MALRD1: variants seen among roughly 807,000 people sequenced by gnomAD.
The protein encoded by MALRD1 is MAM and LDL-receptor class A domain-containing protein 1.
In MALRD1, 247 loss-of-function variants were observed where a neutral mutation model predicts 242.1. The ratio of observed to expected loss-of-function variants is 1.02; its 90% CI spans 0.92 to 1.13. MALRD1 has a LOEUF of 1.13. MALRD1 is among the 50% of genes most tolerant of loss of function. MALRD1 has a pLI of 0.00. For synonymous variants in MALRD1, 995 were observed against 866.6 expected, an observed-to-expected ratio of 1.15 and a Z score of -2.60; for missense variants, 2,989 against 2,533.1, an observed-to-expected ratio of 1.18 and a Z score of -3.86.
intron 32 of MALRD1, among the ~76,000 whole-genome samples, chr10:19,546,561 A>T (rs879853040): frequency 3.9e-5 from 6 of 152,192 alleles, no homozygotes; most frequent in Admixed American, 2.0e-4. Flanking sequence ...TAATTACCAG[A>T]TGGTGACATA....
chr10:19,444,355 TG>T (rs1412601289), intron 28 of MALRD1, among the ~76,000 whole-genome samples: 5 of 152,216 alleles, frequency 3.3e-5, no homozygotes, highest in African/African-American at 1.2e-4. Context: ...GTCATTATGA[TG>T]TTAGCTGGTT....
chr10:19,626,879 A>G (rs1376442719), intron 36 of MALRD1, among the ~76,000 whole-genome samples: 1 of 152,154 alleles, frequency 6.6e-6, no homozygotes, highest in Non-Finnish European at 1.5e-5. Context: ...TTGGATTTTA[A>G]TGTTCAGTTG....
intron 26 of MALRD1, among the ~76,000 whole-genome samples, chr10:19,361,692 G>A (rs2130707462): frequency 6.6e-6 from 1 of 152,162 alleles, no homozygotes; most frequent in East Asian, 1.9e-4. Context: ...GTTTCATGGA[G>A]AGCCAATTCT....
intron 18 of MALRD1, among the ~76,000 whole-genome samples, chr10:19,212,884 C>G (rs1430752155): frequency 6.6e-6 from 1 of 151,966 alleles, no homozygotes; most frequent in Non-Finnish European, 1.5e-5. Context: ...CAAATGTCTA[C>G]TTTGAAATGT....
At chr10:19,390,035 A>G (rs900787512) in intron 28 of MALRD1, among the ~76,000 whole-genome samples, 12 of 152,094 alleles carry the variant, frequency 7.9e-5, no homozygotes, top group Admixed American at 6.5e-4. Flanking sequence ...CAAAGGTGCC[A>G]TCTCCTGTGG....
intron 18 of MALRD1, among the ~76,000 whole-genome samples, chr10:19,209,989 C>T (rs1836974906): frequency 6.6e-6 from 1 of 152,104 alleles, no homozygotes; most frequent in Non-Finnish European, 1.5e-5. Context: ...AAGAGTTTTG[C>T]ACAATCTCTG....
chr10:19,657,145 T>C (rs1420441036), intron 36 of MALRD1, among the ~76,000 whole-genome samples: 9 of 152,188 alleles, frequency 5.9e-5, no homozygotes, highest in Admixed American at 5.9e-4. Flanking sequence ...GATACTGTGG[T>C]GCACTGGCAA....
intron 33 of MALRD1, among the ~76,000 whole-genome samples, chr10:19,586,851 C>G (rs1382804689): frequency 6.6e-6 from 1 of 152,242 alleles, no homozygotes; most frequent in Non-Finnish European, 1.5e-5. Flanking sequence ...AGTTTGATCT[C>G]AGACTGCTGC....
intron 5 of MALRD1, among the ~76,000 whole-genome samples, chr10:19,104,354 C>T (rs1836387859): frequency 6.6e-6 from 1 of 152,112 alleles, no homozygotes; most frequent in South Asian, 2.1e-4. Flanking sequence ...TAAATCTTAA[C>T]AAGAGAACTC....
At chr10:19,480,618 T>C (rs1309141663) in intron 29 of MALRD1, among the ~76,000 whole-genome samples, 1 of 152,244 alleles carries the variant, frequency 6.6e-6, no homozygotes, top group Non-Finnish European at 1.5e-5. Context: ...TCATTAGATA[T>C]CTATGCAAGG....
intron 36 of MALRD1, among the ~76,000 whole-genome samples, chr10:19,643,192 G>C (rs944286126): frequency 6.6e-6 from 1 of 152,106 alleles, no homozygotes; most frequent in African/African-American, 2.4e-5. Context: ...AGCACTTTGG[G>C]AGGCGGAAGT....
At chr10:19,083,937 G>T (rs79954264) in intron 2 of MALRD1, among the ~76,000 whole-genome samples, 37 of 151,988 alleles carry the variant, frequency 2.4e-4, no homozygotes, top group African/African-American at 8.7e-4. Flanking sequence ...AATTCATTTT[G>T]TGGGGGAAAA....
intron 11 of MALRD1, among the ~76,000 whole-genome samples, chr10:19,152,224 A>G (rs576970462): frequency 1.2e-4 from 18 of 152,292 alleles, no homozygotes; most frequent in African/African-American, 4.3e-4. Flanking sequence ...ACATTTCTCT[A>G]ACTTGGCTCA....
At chr10:19,084,980 G>A (rs1835618401) in intron 2 of MALRD1, among the ~76,000 whole-genome samples, 1 of 151,952 alleles carries the variant, frequency 6.6e-6, no homozygotes. Flanking sequence ...TAAGTATCAT[G>A]TAAACAAGCT....
At chr10:19,271,245 A>G (rs1159957833) in intron 19 of MALRD1, among the ~76,000 whole-genome samples, 1 of 152,254 alleles carries the variant, frequency 6.6e-6, no homozygotes, top group Non-Finnish European at 1.5e-5. Flanking sequence ...AAAATACTAG[A>G]CAGCATTCAG....
chr10:19,731,747 G>A (rs1006812577), intron 39 of MALRD1, among the ~76,000 whole-genome samples: 12 of 152,002 alleles, frequency 7.9e-5, no homozygotes, highest in African/African-American at 2.7e-4. Flanking sequence ...CACCACTTCC[G>A]AACTGTAAAA....
chr10:19,455,596 A>G (rs2131068196), intron 29 of MALRD1, among the ~76,000 whole-genome samples: 1 of 152,320 alleles, frequency 6.6e-6, no homozygotes, highest in Non-Finnish European at 1.5e-5. Context: ...ACTCTATACA[A>G]GGTACTTTGA....
intron 18 of MALRD1, among the ~76,000 whole-genome samples, chr10:19,230,389 G>T (rs1184993999): frequency 8.1e-6 from 1 of 123,764 alleles, no homozygotes; most frequent in Admixed American, 7.7e-5. Context: ...CCTGCTTCCA[G>T]GGGGGGCCTC....
At chr10:19,193,733 A>C (rs1015350965) in intron 14 of MALRD1, among the ~76,000 whole-genome samples, 4 of 152,114 alleles carry the variant, frequency 2.6e-5, no homozygotes, top group Admixed American at 1.3e-4. Context: ...TTAAGCAAGC[A>C]ACTTGAGTTT....
Sources: allele counts gnomAD v4.1 joint callset (sites outside exome capture counted in the v4.1 genomes callset), GRCh38; gene constraint gnomAD v4.1.1; transcripts MANE v1.5; gene names NCBI Gene and HGNC (gene_info 2026-07-23, HGNC 2026-07-21).